The following GNG4 variants were observed in gnomAD, a reference collection of about 807,000 sequenced individuals.
The protein encoded by GNG4 is guanine nucleotide-binding protein G(I)/G(S)/G(O) subunit gamma-4.
Under a neutral mutation model 5.8 loss-of-function variants are expected in GNG4, and 4 were observed. The ratio of observed to expected loss-of-function variants is 0.69; its 90% CI spans 0.34 to 1.57. The LOEUF (loss-of-function observed/expected upper bound fraction) is 1.57, where lower values mean the gene tolerates loss of function less well. Among genes scored for constraint, GNG4 ranks in the 40% most tolerant of loss-of-function variants. The pLI, the probability that GNG4 is intolerant of heterozygous loss-of-function variation, is 0.06. For synonymous variants in GNG4, 29 were observed against 32.9 expected, an observed-to-expected ratio of 0.88 and a Z score of 0.41; for missense variants, 96 against 95.1, an observed-to-expected ratio of 1.01 and a Z score of -0.04.
intron 1 of GNG4, among the ~76,000 whole-genome samples, chr1:235,609,439 G>A (rs1036641358): frequency 6.6e-6 from 1 of 151,950 alleles, no homozygotes; most frequent in African/African-American, 2.4e-5. Flanking sequence ...AGCCATCCTC[G>A]TGGGTGTGAA....
Position 235,593,309 on chromosome 1 carries a change from G to T in GNG4, c.-11+2091C>A, listed in dbSNP as rs757703059. 3.1e-4 allele frequency among the ~76,000 whole-genome samples: 47 copies of T among 152,182 alleles called. 2 individuals are homozygous for T. Among genetic ancestry groups the T allele is most frequent in the Admixed American group, 1.8e-3 (27 of 15,272 alleles). On this transcript the variant is annotated intron_variant, in intron 2 of 3. Coordinates refer to ENST00000391854, the MANE Select transcript of GNG4 (RefSeq NM_001098722.2). ...CACACAACTCAGTAAATACAAAGTT[G>T]GGGCTGGGAGACCAATGCAAGGCGG... is the stretch of plus-strand genomic sequence containing the variant.
rs773492133 is a variant in GNG4, at chr1:235,547,754, T to C, written c.*4355A>G. 4 of 152,094 alleles carry C rather than the reference T, an allele frequency of 2.6e-5. No homozygotes were observed. The highest frequency in any genetic ancestry group is 2.9e-5 in the Non-Finnish European group (2 of 68,028). The allele number at this position is 152,094 out of a possible 1,614,324, so 9.4% of individuals were successfully genotyped here. On this transcript the variant is annotated 3_prime_UTR_variant, in exon 4 of 4. Transcript: ENST00000391854. The stretch of plus-strand genomic sequence containing the variant: ...CACAGAAAAGTGCCCAGATCAAAAG[T>C]GTACAGCTCCAAGAATGTTCACAAA...
chr1:235,618,693 T>C (rs1688648463), intron 1 of GNG4, among the ~76,000 whole-genome samples: 1 of 151,388 alleles, frequency 6.6e-6, no homozygotes, highest in Non-Finnish European at 1.5e-5. Flanking sequence ...TCTCACTCTG[T>C]CACCGAGGCT....
chr1:235,608,233 G>A (rs1571911066), intron 1 of GNG4, among the ~76,000 whole-genome samples: 2 of 152,040 alleles, frequency 1.3e-5, no homozygotes, highest in South Asian at 2.1e-4. Flanking sequence ...ACTGCACCTG[G>A]CCAGGAAATG....
At chr1:235,627,058 C>A (rs1688832338) in intron 1 of GNG4, among the ~76,000 whole-genome samples, 1 of 135,682 alleles carries the variant, frequency 7.4e-6, no homozygotes, top group African/African-American at 2.7e-5. Context: ...TCATGACAAA[C>A]AAGAGGAAGA....
rs556555310 is a variant in GNG4, at chr1:235,576,056, T to C, written c.99+7684A>G. 2.6e-4 allele frequency among the ~76,000 whole-genome samples: 35 copies of C among 137,216 alleles called. No individual in the cohort carries two copies. In the South Asian group the frequency reaches 7.8e-3, roughly 30 times the overall value. 90.0% of individuals were successfully genotyped at this position (137,216 alleles called of 152,430 possible). On this transcript the variant is annotated intron_variant, in intron 3 of 3. Coordinates refer to ENST00000391854, the MANE Select transcript of GNG4 (RefSeq NM_001098722.2). ...TCTATTTAATGATCAATGTCATATA[T>C]GTACTTTTTTTTTTTTTTTTTTTGA...
At chr1:235,565,219 T>C (rs1039920935) in intron 3 of GNG4, among the ~76,000 whole-genome samples, 29 of 152,056 alleles carry the variant, frequency 1.9e-4, no homozygotes, top group Middle Eastern at 3.4e-3. Context: ...AGGGTGGCAG[T>C]TGGCCCAGCG....
chr1:235,627,039 G>A (rs1188731446), intron 1 of GNG4, among the ~76,000 whole-genome samples: 1 of 147,964 alleles, frequency 6.8e-6, no homozygotes. Flanking sequence ...TTGGGACTGG[G>A]AGACTTTCTC....
At position 235,624,753 on chromosome 1, in the gene GNG4, A is replaced by G. The variant is rs370338970; in HGVS notation, c.-123+24909T>C. Among the ~76,000 whole-genome samples the G allele has an allele frequency of 2.7e-4, 41 of 152,306 alleles. 1 individual carries two copies. In the South Asian group the frequency reaches 8.5e-3, roughly 32 times the overall value. On this transcript the variant is annotated intron_variant, in intron 1 of 3. Transcript: ENST00000391854. ...TATGAGATTTTTTTAGCGCTAAGAC[A>G]GATCAAAGAAGGTTTCCTTGTTGCC...
intron 1 of GNG4, among the ~76,000 whole-genome samples, chr1:235,641,309 G>C (rs770887412): frequency 1.3e-5 from 2 of 152,190 alleles, no homozygotes; most frequent in Non-Finnish European, 2.9e-5. Flanking sequence ...AGGCTCACTT[G>C]AACTGGGGAG....
chr1:235,626,680 C>T (rs73122508), intron 1 of GNG4, among the ~76,000 whole-genome samples: 7,650 of 152,092 alleles, frequency 0.05, 624 homozygotes, highest in African/African-American at 0.17. Context: ...AACACCAGGC[C>T]GGGCACGGTG....
intron 1 of GNG4, among the ~76,000 whole-genome samples, chr1:235,637,057 CAAAAA>C (rs61512163): frequency 1.5e-5 from 2 of 134,440 alleles, no homozygotes; most frequent in Admixed American, 7.4e-5. Context: ...GACTCCGTCT[CAAAAA>C]AAAAAAAAAA....
Position 235,551,354 on chromosome 1 carries a change from C to T in GNG4, c.*755G>A, listed in dbSNP as rs1572602753. The T allele has an allele frequency of 6.6e-6, 1 of 152,170 alleles. No individual in the cohort carries two copies. The highest frequency in any genetic ancestry group is 1.5e-5 in the Non-Finnish European group (1 of 68,090). 9.4% of individuals were successfully genotyped at this position (152,170 alleles called of 1,614,324 possible). ...GTCAGGAGTTTGAGACCAGCCTGACCAACATGGTGAAACCCCGTCTTTACT... is the reference window on the plus strand; with the variant it reads ...GTCAGGAGTTTGAGACCAGCCTGACTAACATGGTGAAACCCCGTCTTTACT... On this transcript the variant is annotated 3_prime_UTR_variant, in exon 4 of 4. Transcript: ENST00000391854.
In GNG4 at chr1:235,570,945, C is replaced by CACACACATAT. The variant is rs535079462; in HGVS notation, c.99+12794_99+12795insATATGTGTGT. ...ATATACACACACACACACACACACA[C>CACACACATAT]ATATATATATACATACCTTTTTTTT... On this transcript the variant is annotated intron_variant, in intron 3 of 3. Transcript: ENST00000391854. Among the ~76,000 whole-genome samples, 321 of 115,622 alleles carry CACACACATAT rather than the reference C, an allele frequency of 2.8e-3. 2 individuals are homozygous for CACACACATAT. Among genetic ancestry groups the CACACACATAT allele is most frequent in the East Asian group, 5.1e-3 (18 of 3,508 alleles). The allele number at this position is 115,622 out of a possible 152,430, so 75.9% of individuals were successfully genotyped here.
intron 3 of GNG4, among the ~76,000 whole-genome samples, chr1:235,556,449 T>A (rs1193764393): frequency 6.6e-6 from 1 of 151,038 alleles, no homozygotes; most frequent in Non-Finnish European, 1.5e-5. Context: ...TCCCAGCTAC[T>A]CGGGAGGCTG....
At chr1:235,641,378 A>G (rs1251359513) in intron 1 of GNG4, among the ~76,000 whole-genome samples, 1 of 152,134 alleles carries the variant, frequency 6.6e-6, no homozygotes, top group Non-Finnish European at 1.5e-5. Context: ...CAACAGAGCA[A>G]GACCCTGCCT....
In GNG4 at chr1:235,606,477, G is replaced by A. The variant is rs116120786; in HGVS notation, c.-122-10966C>T. Among the ~76,000 whole-genome samples, 775 of 152,274 alleles carry A rather than the reference G, an allele frequency of 5.1e-3. 10 individuals carry two copies. Among genetic ancestry groups the A allele is most frequent in the African/African-American group, 0.018 (743 of 41,546 alleles). Reference sequence around the variant, plus strand: ...CGGGGTGGAGAGCCAGGTGGTGAGGGTGGAAGAGCCAGGGGATGTGGTTAG... The same window carrying A: ...CGGGGTGGAGAGCCAGGTGGTGAGGATGGAAGAGCCAGGGGATGTGGTTAG... On this transcript the variant is annotated intron_variant, in intron 1 of 3. Transcript: ENST00000391854.
At chr1:235,560,256 C>A (rs903356281) in intron 3 of GNG4, among the ~76,000 whole-genome samples, 1 of 152,136 alleles carries the variant, frequency 6.6e-6, no homozygotes, top group Non-Finnish European at 1.5e-5. Context: ...GGAAACAATG[C>A]GAGCATGTTA....
At chr1:235,598,421 C>A (rs1210621304) in intron 1 of GNG4, among the ~76,000 whole-genome samples, 1 of 152,048 alleles carries the variant, frequency 6.6e-6, no homozygotes, top group Non-Finnish European at 1.5e-5. Flanking sequence ...CCAGCCTGGG[C>A]AGCACAGTAA....
Sources: allele counts gnomAD v4.1 joint callset (sites outside exome capture counted in the v4.1 genomes callset), GRCh38; gene constraint gnomAD v4.1.1; transcripts MANE v1.5; gene names NCBI Gene and HGNC (gene_info 2026-07-23, HGNC 2026-07-21).